Variants in SPACA1 observed in about 807,000 individuals in gnomAD.
SPACA1 encodes the protein sperm acrosome membrane-associated protein 1.
SPACA1 carries 17 observed loss-of-function variants against 32.6 expected under a neutral mutation model. The observed-to-expected ratio is 0.52, with a 90% CI of 0.36 to 0.78. SPACA1 has a LOEUF of 0.78. SPACA1 is among the 30% of genes least tolerant of loss of function. SPACA1 has a pLI of 0.01. For synonymous variants in SPACA1, 140 were observed against 138.1 expected, an observed-to-expected ratio of 1.01 and a Z score of -0.10; for missense variants, 363 against 373.4, an observed-to-expected ratio of 0.97 and a Z score of 0.23.
upstream of SPACA1, chr6:88,047,666 G>A (rs1379331330): frequency 2.0e-6 from 1 of 503,652 alleles, no homozygotes; most frequent in African/African-American, 2.0e-5. Flanking sequence ...CCTCTCCTAG[G>A]GACTTGTCGC....
intron 4 of SPACA1, 103 bp from the exon 5 acceptor site, chr6:88,059,350 T>C: frequency 9.5e-7 from 1 of 1,050,370 alleles, no homozygotes; most frequent in Non-Finnish European, 1.3e-6. Context: ...TCAACTAGGC[T>C]AAGAGAGACA....
intron 3 of SPACA1, 71 bp downstream of exon 3, chr6:88,057,784 G>T (rs1775832685): frequency 3.0e-6 from 4 of 1,341,314 alleles, no homozygotes; most frequent in Non-Finnish European, 4.3e-6. Context: ...TTTCACCTCA[G>T]GTTGCCACTG....
intron 4 of SPACA1, among the ~76,000 whole-genome samples, chr6:88,059,170 C>G (rs1342128831): frequency 6.6e-6 from 1 of 152,128 alleles, no homozygotes; most frequent in South Asian, 2.1e-4. Context: ...ACACTGAGTG[C>G]TAGAGCCTTT....
rs777793404 is a variant in SPACA1, at chr6:88,060,856, T to TG, written c.610+1270dup. ...TCATAATTAGAAGGGAGCATGCATT[T>TG]GGTAATGTATATGTTAAAGGCTGGA... On this transcript the variant is annotated intron_variant, in intron 5 of 6. Transcript: ENST00000237201. Among the ~76,000 whole-genome samples, 6 of 152,304 alleles carry TG rather than the reference T, an allele frequency of 3.9e-5. No individual in the cohort carries two copies. The East Asian group carries it at 1.2e-3, about 29-fold the overall frequency.
intron 5 of SPACA1, among the ~76,000 whole-genome samples, chr6:88,061,056 G>T (rs1160661110): frequency 2.6e-5 from 4 of 152,114 alleles, no homozygotes; most frequent in Non-Finnish European, 5.9e-5. Flanking sequence ...TGACAATTGG[G>T]TACACCACTG....
intron 5 of SPACA1, among the ~76,000 whole-genome samples, chr6:88,062,488 C>A (rs1038497319): frequency 5.9e-5 from 9 of 152,130 alleles, no homozygotes; most frequent in Non-Finnish European, 1.0e-4. Flanking sequence ...AAAAGAGATA[C>A]AATAAAGCTA....
chr6:88,048,237 G>T, intron 1 of SPACA1, 124 bp downstream of exon 1: 1 of 1,052,226 alleles, frequency 9.5e-7, no homozygotes, highest in Middle Eastern at 3.1e-4. Context: ...TCATACTTCA[G>T]CCCCGAGTTT....
intron 3 of SPACA1, among the ~76,000 whole-genome samples, chr6:88,058,041 G>C (rs1446735807): frequency 6.6e-6 from 1 of 152,164 alleles, no homozygotes; most frequent in Non-Finnish European, 1.5e-5. Context: ...CAGTAGATTG[G>C]TAGACTTTAA....
chr6:88,048,005 GC>G lies in SPACA1; in HGVS notation c.101del (p.Ala34ValfsTer46), dbSNP rs1201006125. 1.3e-6 allele frequency: 2 copies of G among 1,585,630 alleles called. No individual in the cohort carries two copies. The highest frequency in any genetic ancestry group is 1.7e-6 in the Non-Finnish European group (2 of 1,168,340). On this transcript the variant is annotated frameshift_variant, in exon 1 of 7. Transcript: ENST00000237201. LOFTEE classifies it high-confidence loss of function. Reference protein sequence around the residue: ...LQSARGTNVTAAVQDAGLAHE... With the variant: ...LQSARGTNVTXAVQDAGLAHE... ...GTCCGCGCGCGGGACCAACGTCACCGCTGCCGTCCAGGATGCCGGCCTGGCC... is the reference window on the plus strand; with the variant it reads ...GTCCGCGCGCGGGACCAACGTCACCGTGCCGTCCAGGATGCCGGCCTGGCC...
intron 3 of SPACA1, 122 bp downstream of exon 3, chr6:88,057,835 A>C (rs1775833749): frequency 2.9e-6 from 2 of 697,524 alleles, no homozygotes; most frequent in South Asian, 1.8e-5. Context: ...AAAGGAAATC[A>C]TAAAATTTTA....
chr6:88,066,189 G>C lies in SPACA1; in HGVS notation c.739G>C (p.Val247Leu). ...TTTTGTTTTTTCTTCCAGGGCAGCAGTCAAGGCTTTCTGGGGGGCAAAAGC... is the reference window on the plus strand; with the variant it reads ...TTTTGTTTTTTCTTCCAGGGCAGCACTCAAGGCTTTCTGGGGGGCAAAAGC... ...LIFIIINWAA[V>L]KAFWGAKAST... The change falls in exon 7 of 7, where the codon GTC becomes CTC. Residue 247 changes from valine (V) to leucine (L), a missense_variant. Transcript: ENST00000237201. 1 of 1,584,160 alleles carries C rather than the reference G, an allele frequency of 6.3e-7. No individual in the cohort carries two copies. The highest frequency in any genetic ancestry group is 8.6e-7 in the Non-Finnish European group (1 of 1,164,036).
chr6:88,065,218 T>C (rs1775961763), intron 6 of SPACA1, among the ~76,000 whole-genome samples: 1 of 148,882 alleles, frequency 6.7e-6, no homozygotes, highest in South Asian at 2.1e-4. Flanking sequence ...TATATGTATG[T>C]ATGTGTATAC....
intron 2 of SPACA1, among the ~76,000 whole-genome samples, chr6:88,054,852 G>T (rs776729806): frequency 6.6e-6 from 1 of 151,968 alleles, no homozygotes; most frequent in Non-Finnish European, 1.5e-5. Context: ...CATTTTAGCC[G>T]TTTTTAAACA....
At position 88,066,382 on chromosome 6, in the gene SPACA1, AT is replaced by A; in HGVS notation, c.*49del. The stretch of plus-strand genomic sequence containing the variant: ...ACCAAAGGATATTACAGAATATTAG[AT>A]TCATTATTACAAAAATAAAATACAC... On this transcript the variant is annotated 3_prime_UTR_variant, in exon 7 of 7. Coordinates refer to ENST00000237201, the MANE Select transcript of SPACA1 (RefSeq NM_030960.3). The A allele has an allele frequency of 6.8e-7, 1 of 1,474,960 alleles. No individual in the cohort carries two copies. The highest frequency in any genetic ancestry group is 9.1e-7 in the Non-Finnish European group (1 of 1,099,084). The allele number at this position is 1,474,960 out of a possible 1,614,324, so 91.4% of individuals were successfully genotyped here. A position where few individuals can be genotyped will look rare whatever the true frequency, so the allele number is the denominator to read the frequency against.
chr6:88,058,888 A>G lies in SPACA1; in HGVS notation c.474+66A>G. 9.4e-6 allele frequency: 10 copies of G among 1,064,510 alleles called. No individual in the cohort carries two copies. The South Asian group carries it at 1.1e-4, about 12-fold the overall frequency. 65.9% of individuals were successfully genotyped at this position (1,064,510 alleles called of 1,614,324 possible). On this transcript the variant is annotated intron_variant, in intron 4 of 6. Transcript: ENST00000237201. Reference sequence around the variant, plus strand: ...TGATAAAATTTGTTTCTCAGTTCTGATGGCTTTCAGAAAACTTTCTTTTTA... The same window carrying G: ...TGATAAAATTTGTTTCTCAGTTCTGGTGGCTTTCAGAAAACTTTCTTTTTA...
chr6:88,063,974 A>T, intron 5 of SPACA1, 125 bp from the exon 6 acceptor site: 1 of 1,061,242 alleles, frequency 9.4e-7, no homozygotes. Flanking sequence ...ATCATTAATA[A>T]TTTTCTCTGC....
In SPACA1 at chr6:88,054,871, C is replaced by T. The variant is rs574094354; in HGVS notation, c.265+869C>T. On this transcript the variant is annotated intron_variant, in intron 2 of 6. Coordinates refer to ENST00000237201, the MANE Select transcript of SPACA1 (RefSeq NM_030960.3). ...TTAGCCGTTTTTAAACATACAAGTC[C>T]GTTGACTTAAGCATATTCACATTCT... Among the ~76,000 whole-genome samples, 26 of 152,218 alleles carry T rather than the reference C, an allele frequency of 1.7e-4. 1 individual carries two copies. The highest frequency in any genetic ancestry group is 1.5e-3 in the South Asian group (7 of 4,822).
chr6:88,050,139 T>C (rs1775707548), intron 1 of SPACA1, among the ~76,000 whole-genome samples: 1 of 152,196 alleles, frequency 6.6e-6, no homozygotes, highest in South Asian at 2.1e-4. Flanking sequence ...TTTACAAACC[T>C]TGGCAAATAA....
In SPACA1 at chr6:88,047,937, G is replaced by A; in HGVS notation, c.32G>A (p.Gly11Glu). The A allele has an allele frequency of 6.4e-7, 1 of 1,566,080 alleles. No homozygotes were observed. Among genetic ancestry groups the A allele is most frequent in the South Asian group, 1.2e-5 (1 of 85,160 alleles). ...CCCAGGGGCACGGGCTGCTCCGCCG[G>A]GCTGCTGATGACTGTCGGCTGGCTG... MSPRGTGCSA[G>E]LLMTVGWLLL... Residue 11 changes from glycine to glutamate, a missense_variant, in exon 1 of 7, where the codon GGG (glycine) becomes GAG (glutamate). Transcript: ENST00000237201.
Sources: gnomAD v4.1 joint callset for allele counts (sites outside exome capture counted in the v4.1 genomes callset) on GRCh38, gnomAD v4.1.1 for gene constraint, MANE v1.5 for transcripts, NCBI Gene and HGNC (gene_info 2026-07-23, HGNC 2026-07-21) for gene names.